Variants in THADA observed in about 807,000 individuals in gnomAD.
THADA encodes THADA armadillo repeat containing, also known as tRNA (32-2'-O)-methyltransferase regulator THADA.
THADA carries 213 observed loss-of-function variants against 219.8 expected under a neutral mutation model. The observed-to-expected ratio is 0.97, with a 90% CI of 0.87 to 1.09. The LOEUF (loss-of-function observed/expected upper bound fraction) is 1.09, where lower values mean the gene tolerates loss of function less well. Among genes scored for constraint, THADA ranks in the 50% least tolerant of loss-of-function variants. The pLI, the probability that THADA is intolerant of heterozygous loss-of-function variation, is 0.00. For synonymous variants in THADA, 1,018 were observed against 828.9 expected (o/e 1.23, Z -3.92); for missense variants, 2,956 against 2,311.3 (o/e 1.28, Z -5.72).
Position 43,320,474 on chromosome 2 carries a change from G to C in THADA, c.4410C>G (p.Leu1470=), listed in dbSNP as rs1043771291. The C allele has an allele frequency of 6.2e-7, 1 of 1,613,420 alleles. No homozygotes were observed. The highest frequency in any genetic ancestry group is 1.3e-5 in the African/African-American group (1 of 74,898). Residue 1470 remains leucine, a synonymous_variant, in exon 31 of 38, where the codon CTC becomes CTG. Coordinates refer to ENST00000405975, the MANE Select transcript of THADA (RefSeq NM_022065.5). ...GCTGGTTGTCCTTTGCAGATCTGTT[G>C]AGGCAGCAAGTCAATAGGAAGAGAA... ...IDILFLLTCC[L]NRSAKDNQPV... is the part of the protein sequence containing the mutation.
At chr2:43,593,755 T>G (rs1040044996) in intron 1 of THADA, among the ~76,000 whole-genome samples, 9 of 148,542 alleles carry the variant, frequency 6.1e-5, no homozygotes, top group Non-Finnish European at 1.3e-4. Context: ...TGCCTCAGCC[T>G]CCCGAGTAGC....
chr2:43,578,961 AGCTGGGACTACAG>A (rs1315653673), intron 8 of THADA, among the ~76,000 whole-genome samples: 3 of 152,174 alleles, frequency 2.0e-5, no homozygotes, highest in African/African-American at 7.2e-5. Flanking sequence ...CCTCCCAAGT[AGCTGGGACTACAG>A]GCGCGTGCCA....
At chr2:43,310,229 C>CA (rs1677347592) in intron 31 of THADA, among the ~76,000 whole-genome samples, 1 of 120,034 alleles carries the variant, frequency 8.3e-6, no homozygotes, top group Admixed American at 9.3e-5. Flanking sequence ...CTTTCCCGCC[C>CA]CCCCCCCAAA....
intron 26 of THADA, among the ~76,000 whole-genome samples, chr2:43,441,421 T>C (rs1427593018): frequency 6.6e-6 from 1 of 152,250 alleles, no homozygotes; most frequent in South Asian, 2.1e-4. Context: ...TTACATAGTA[T>C]GTCTGAAGGA....
chr2:43,473,002 G>C (rs889125620), intron 26 of THADA, among the ~76,000 whole-genome samples: 1 of 152,216 alleles, frequency 6.6e-6, no homozygotes, highest in Non-Finnish European at 1.5e-5. Flanking sequence ...GTCAGAGTGA[G>C]TGGTGGGTGA....
intron 31 of THADA, among the ~76,000 whole-genome samples, chr2:43,299,884 C>T (rs1676046520): frequency 6.7e-6 from 1 of 149,696 alleles, no homozygotes; most frequent in South Asian, 2.1e-4. Flanking sequence ...AAAAATTAGC[C>T]AGGTGTGGTG....
chr2:43,332,124 C>T (rs1162458991), intron 30 of THADA, among the ~76,000 whole-genome samples: 1 of 152,176 alleles, frequency 6.6e-6, no homozygotes, highest in African/African-American at 2.4e-5. Flanking sequence ...CTTGCTCTGT[C>T]ACCCAGGCCG....
chr2:43,436,104 A>G (rs1680068609), intron 26 of THADA, among the ~76,000 whole-genome samples: 1 of 152,180 alleles, frequency 6.6e-6, no homozygotes, highest in Admixed American at 6.5e-5. Context: ...GTGGCCCATG[A>G]GTACATAAAG....
chr2:43,511,809 A>C (rs1690494432), intron 22 of THADA, among the ~76,000 whole-genome samples: 1 of 152,196 alleles, frequency 6.6e-6, no homozygotes, highest in Non-Finnish European at 1.5e-5. Context: ...ACTAGGTATT[A>C]GGCGTACATG....
chr2:43,468,584 T>C (rs1684542828), intron 26 of THADA, among the ~76,000 whole-genome samples: 2 of 152,184 alleles, frequency 1.3e-5, no homozygotes, highest in Admixed American at 6.5e-5. Context: ...TACCCAATTA[T>C]ACTCACTGCT....
intron 28 of THADA, among the ~76,000 whole-genome samples, chr2:43,410,241 T>A (rs1312981199): frequency 6.6e-6 from 1 of 152,220 alleles, no homozygotes; most frequent in African/African-American, 2.4e-5. Flanking sequence ...AGACTGAGCA[T>A]ACCAAGTGTT....
rs140672996 is a variant in THADA at position 43,247,661 on chromosome 2, G to A, written c.5297-14779C>T. ...CGAGAATCGCTTGAACCCAGGAGGCGGAGGTTGCAGTGAGCTGAGATCGCG... is the reference window on the plus strand; with the variant it reads ...CGAGAATCGCTTGAACCCAGGAGGCAGAGGTTGCAGTGAGCTGAGATCGCG... On this transcript the variant is annotated intron_variant, in intron 36 of 37. Transcript: ENST00000405975. Among the ~76,000 whole-genome samples, 624 of 150,304 alleles carry A rather than the reference G, an allele frequency of 4.2e-3. 4 individuals are homozygous for A. Among genetic ancestry groups the A allele is most frequent in the African/African-American group, 0.015 (597 of 40,806 alleles).
rs751030291 is a variant in THADA, at chr2:43,574,676, C to T, written c.1389G>A (p.Glu463=). 11 of 1,613,914 alleles carry T rather than the reference C, an allele frequency of 6.8e-6. No homozygotes were observed. The highest frequency in any genetic ancestry group is 9.3e-6 in the Non-Finnish European group (11 of 1,179,900). ...CCAAAATATGTTCAACTCCTATGCA[C>T]TCTACCAAACAACCAAGGCACGTGT... ...GKYTCLGCLV[E]CIGVEHILAI... is the part of the protein sequence containing the mutation. The change falls in exon 11 of 38, where the codon GAG becomes GAA. Residue 463 remains glutamate (E), a synonymous_variant. Coordinates refer to ENST00000405975, the MANE Select transcript of THADA (RefSeq NM_022065.5).
At position 43,309,886 on chromosome 2, in the gene THADA, A is replaced by T. The variant is rs564137381; in HGVS notation, c.4438+10560T>A. 2.6e-5 allele frequency among the ~76,000 whole-genome samples: 4 copies of T among 152,350 alleles called. No homozygotes were observed. The East Asian group carries it at 5.8e-4, about 22-fold the overall frequency. ...AGTAATGTTGCAGGATAAAAGATCA[A>T]TATACAAATATCAATTGTAGCTCTA... On this transcript the variant is annotated intron_variant, in intron 31 of 37. Coordinates refer to ENST00000405975, the MANE Select transcript of THADA (RefSeq NM_022065.5).
chr2:43,593,783 G>C (rs369175160), intron 1 of THADA, among the ~76,000 whole-genome samples: 1 of 151,974 alleles, frequency 6.6e-6, no homozygotes, highest in African/African-American at 2.4e-5. Flanking sequence ...ACAGGCGCCC[G>C]CCACCACGCC....
chr2:43,358,921 G>C (rs1669176398), intron 29 of THADA, among the ~76,000 whole-genome samples: 2 of 152,302 alleles, frequency 1.3e-5, no homozygotes, highest in Non-Finnish European at 2.9e-5. Flanking sequence ...AAGTCAAAAA[G>C]TGACAACTGT....
At chr2:43,448,521 T>G (rs1469082763) in intron 26 of THADA, among the ~76,000 whole-genome samples, 1 of 151,568 alleles carries the variant, frequency 6.6e-6, no homozygotes, top group African/African-American at 2.4e-5. Context: ...CTGAAGCAAC[T>G]TGCAAGGAAT....
intron 26 of THADA, among the ~76,000 whole-genome samples, chr2:43,436,493 T>G (rs1379401215): frequency 6.6e-6 from 1 of 152,176 alleles, no homozygotes; most frequent in Non-Finnish European, 1.5e-5. Context: ...CCCTTAACCT[T>G]ACTGAGAAGC....
chr2:43,255,170 G>A (rs534755771), intron 36 of THADA, among the ~76,000 whole-genome samples: 54 of 152,290 alleles, frequency 3.5e-4, no homozygotes, highest in African/African-American at 1.2e-3. Flanking sequence ...AGGTACCAGA[G>A]CAGAGGGACG....
Sources: gnomAD v4.1 joint callset for allele counts (sites outside exome capture counted in the v4.1 genomes callset) on GRCh38, gnomAD v4.1.1 for gene constraint, MANE v1.5 for transcripts, NCBI Gene and HGNC (gene_info 2026-07-23, HGNC 2026-07-21) for gene names.